The following CD8B variants were observed in gnomAD, a reference collection of about 807,000 sequenced individuals.
The protein encoded by CD8B is CD8 subunit beta.
Under a neutral mutation model 24.2 loss-of-function variants are expected in CD8B, and 6 were observed. The ratio of observed to expected loss-of-function variants is 0.25; its 90% CI spans 0.14 to 0.49. The LOEUF (loss-of-function observed/expected upper bound fraction) is 0.49, where lower values mean the gene tolerates loss of function less well. CD8B is among the 20% of genes least tolerant of loss of function. The pLI, the probability that CD8B is intolerant of heterozygous loss-of-function variation, is 0.98. For synonymous variants in CD8B, 84 were observed against 108.3 expected, an observed-to-expected ratio of 0.78 and a Z score of 1.39; for missense variants, 196 against 271.3, an observed-to-expected ratio of 0.72 and a Z score of 1.95.
chr2:86,847,245 G>C (rs1444133671), intron 3 of CD8B, among the ~76,000 whole-genome samples: 2 of 151,968 alleles, frequency 1.3e-5, no homozygotes, highest in African/African-American at 4.8e-5. Flanking sequence ...CCATCGTCTA[G>C]TCTTTGTAAG....
rs1391062725 is a variant in CD8B at position 86,841,562 on chromosome 2, C to T, written c.*745G>A. On this transcript the variant is annotated 3_prime_UTR_variant, in exon 6 of 6. Transcript: ENST00000390655. ...TCTTTGCTGTAGATGGGCTTTCGCACGTTTATGTCACAGGAGCCGTTTGTT... is the reference window on the plus strand; with the variant it reads ...TCTTTGCTGTAGATGGGCTTTCGCATGTTTATGTCACAGGAGCCGTTTGTT... 24 of 984,974 alleles carry T rather than the reference C, an allele frequency of 2.4e-5. No homozygotes were observed. In the East Asian group the frequency reaches 9.1e-4, roughly 37 times the overall value. 61.0% of individuals were successfully genotyped at this position (984,974 alleles called of 1,614,324 possible).
At chr2:86,835,720 G>A (rs56016906), downstream of CD8B, among the ~76,000 whole-genome samples, 83,307 of 125,248 alleles carry the variant, frequency 0.67, 23,693 homozygotes, top group South Asian at 0.69. Flanking sequence ...TCACCCAACC[G>A]CAGAGACCTC....
At chr2:86,859,896 CCTT>C (rs1558764999) in intron 1 of CD8B, among the ~76,000 whole-genome samples, 1 of 151,992 alleles carries the variant, frequency 6.6e-6, no homozygotes, top group Non-Finnish European at 1.5e-5. Context: ...CCCATAATGG[CCTT>C]CTCCAACACT....
chr2:86,858,274 G>A lies in CD8B; in HGVS notation c.186C>T (p.Ser62=). Residue 62 remains serine (S), a synonymous_variant, in exon 2 of 6, where the codon AGC becomes AGT. Transcript: ENST00000390655. ...CCAGGAACTCGTGGTGACTGTCACTGCTCGGTGCCTGGCGCTGTCTCAGCC... is the reference window on the plus strand; with the variant it reads ...CCAGGAACTCGTGGTGACTGTCACTACTCGGTGCCTGGCGCTGTCTCAGCC... ...IYWLRQRQAP[S]SDSHHEFLAL... The A allele has an allele frequency of 6.2e-7, 1 of 1,614,014 alleles. No individual in the cohort carries two copies.
At chr2:86,832,403 G>A (rs554812898) in intron 5 of CD8B, among the ~76,000 whole-genome samples, 25 of 151,828 alleles carry the variant, frequency 1.6e-4, no homozygotes, top group Non-Finnish European at 3.5e-4. Flanking sequence ...GCATGAACCC[G>A]GGAGGCAGAG....
Position 86,844,594 on chromosome 2 carries a change from T to A in CD8B, c.620+328A>T, listed in dbSNP as rs1473646833. 5 of 1,390,328 alleles carry A rather than the reference T, an allele frequency of 3.6e-6. No individual in the cohort carries two copies. In the East Asian group the frequency reaches 1.9e-4, roughly 52 times the overall value. 86.1% of individuals were successfully genotyped at this position (1,390,328 alleles called of 1,614,324 possible). A position where few individuals can be genotyped will look rare whatever the true frequency, so the allele number is the denominator to read the frequency against. ...CTTACTGGTCAGGTTTTTGTTTGTT[T>A]AGGTTATCTCTTAGGTTCCTGAACT... On this transcript the variant is annotated intron_variant, in intron 5 of 5. Coordinates refer to ENST00000390655, the MANE Select transcript of CD8B (RefSeq NM_004931.5).
chr2:86,838,968 C>G lies in CD8B; in HGVS notation c.*3339G>C, dbSNP rs1485709562. Among the ~76,000 whole-genome samples the G allele has an allele frequency of 3.9e-5, 6 of 152,208 alleles. No individual in the cohort carries two copies. The highest frequency in any genetic ancestry group is 8.8e-5 in the Non-Finnish European group (6 of 68,038). On this transcript the variant is annotated 3_prime_UTR_variant, in exon 6 of 6. Transcript: ENST00000390655. ...ATGACTTTTACTAATGAAACACACTCATATAAGTGATTCCCAGATTGAGAA... is the reference window on the plus strand; with the variant it reads ...ATGACTTTTACTAATGAAACACACTGATATAAGTGATTCCCAGATTGAGAA...
At chr2:86,845,828 G>T (rs1188741892) in intron 4 of CD8B, among the ~76,000 whole-genome samples, 1 of 152,200 alleles carries the variant, frequency 6.6e-6, no homozygotes, top group Non-Finnish European at 1.5e-5. Context: ...CCTCTGTGGG[G>T]AACAATTGTA....
At chr2:86,828,206 C>T (rs911121305) in intron 5 of CD8B, among the ~76,000 whole-genome samples, 2 of 151,644 alleles carry the variant, frequency 1.3e-5, no homozygotes, top group African/African-American at 4.9e-5. Flanking sequence ...CAAGTGGGGG[C>T]GAATGTCAAT....
intron 2 of CD8B, among the ~76,000 whole-genome samples, chr2:86,856,331 A>C (rs1676250855): frequency 6.6e-6 from 1 of 152,158 alleles, no homozygotes; most frequent in Admixed American, 6.5e-5. Flanking sequence ...CATGAGTGGA[A>C]AGGTGTGGGG....
In CD8B at chr2:86,839,296, CT is replaced by C. The variant is rs1224775263; in HGVS notation, c.*3010del. Among the ~76,000 whole-genome samples the C allele has an allele frequency of 6.6e-6, 1 of 152,204 alleles. No individual in the cohort carries two copies. The highest frequency in any genetic ancestry group is 1.5e-5 in the Non-Finnish European group (1 of 68,032). Reference sequence around the variant, plus strand: ...GTGTCTGAATTTATCTGACCAGTCCCTTTTGATGGACATTTGGATTATTTCC... The same window carrying C: ...GTGTCTGAATTTATCTGACCAGTCCCTTTGATGGACATTTGGATTATTTCC... On this transcript the variant is annotated 3_prime_UTR_variant, in exon 6 of 6. Coordinates refer to ENST00000390655, the MANE Select transcript of CD8B (RefSeq NM_004931.5).
In CD8B at chr2:86,842,070, C is replaced by A. The variant is rs952334795; in HGVS notation, c.*237G>T. ...ATTTCTTACTCAGTCCTCCAGCACA[C>A]TCTGTGAAGTGCCCTGGGGGCAATG... On this transcript the variant is annotated 3_prime_UTR_variant, in exon 6 of 6. Transcript: ENST00000390655. 2 of 1,305,728 alleles carry A rather than the reference C, an allele frequency of 1.5e-6. No homozygotes were observed. Among genetic ancestry groups the A allele is most frequent in the African/African-American group, 3.1e-5 (2 of 65,320 alleles). 80.9% of individuals were successfully genotyped at this position (1,305,728 alleles called of 1,614,324 possible).
chr2:86,835,828 G>A (rs1445948515), downstream of CD8B, among the ~76,000 whole-genome samples: 1 of 150,228 alleles, frequency 6.7e-6, no homozygotes, highest in African/African-American at 2.5e-5. Context: ...TATCACCCGG[G>A]TCTTTCTCTG....
chr2:86,833,528 G>A (rs1362557594), downstream of CD8B, among the ~76,000 whole-genome samples: 2 of 42,040 alleles, frequency 4.8e-5, no homozygotes, highest in African/African-American at 2.0e-4. Flanking sequence ...CCTCCCCTCC[G>A]CTCTCCTCCC....
At position 86,853,099 on chromosome 2, in the gene CD8B, A is replaced by C; in HGVS notation, c.404-13T>G. 1 of 1,542,472 alleles carries C rather than the reference A, an allele frequency of 6.5e-7. No individual in the cohort carries two copies. The highest frequency in any genetic ancestry group is 8.8e-7 in the Non-Finnish European group (1 of 1,141,078). Reference sequence around the variant, plus strand: ...GGAAGGAAATCAACTACAGAAAGAAAGCAAGACACATATCTTAGCCAAGTG... The same window carrying C: ...GGAAGGAAATCAACTACAGAAAGAACGCAAGACACATATCTTAGCCAAGTG... On this transcript the variant is annotated splice_polypyrimidine_tract_variant and intron_variant, in intron 2 of 5. Transcript: ENST00000390655.
At chr2:86,834,805 G>A (rs575303834), downstream of CD8B, among the ~76,000 whole-genome samples, 15 of 151,664 alleles carry the variant, frequency 9.9e-5, no homozygotes, top group Admixed American at 2.0e-4. Context: ...GCATGATGGC[G>A]CGCACCTGGA....
At chr2:86,827,306 G>A (rs112480165) in intron 5 of CD8B, among the ~76,000 whole-genome samples, 2,193 of 152,058 alleles carry the variant, frequency 0.014, 52 homozygotes, top group African/African-American at 0.05. Flanking sequence ...CTGAGAGTTC[G>A]GGTTTTATGT....
At position 86,822,934 on chromosome 2, in the gene CD8B, AT is replaced by A. The variant is rs1018242690; in HGVS notation, c.621-7217del. Among the ~76,000 whole-genome samples, 8 of 152,318 alleles carry A rather than the reference AT, an allele frequency of 5.3e-5. No homozygotes were observed. The South Asian group carries it at 1.2e-3, about 24-fold the overall frequency. On this transcript the variant is annotated intron_variant, in intron 5 of 5. Transcript: ENST00000331469. ...TGTGTTTATATCTTTCTCTACAACC[AT>A]TTTTTAAAAGCTATTTTTAAAATTG...
At chr2:86,822,335 G>T in intron 5 of CD8B, 1 of 1,586,104 alleles carries the variant, frequency 6.3e-7, no homozygotes, top group Non-Finnish European at 8.7e-7. Flanking sequence ...ATATTCAGTA[G>T]TCCATTCTGG....
Sources: allele counts gnomAD v4.1 joint callset (sites outside exome capture counted in the v4.1 genomes callset), GRCh38; gene constraint gnomAD v4.1.1; transcripts MANE v1.5; gene names NCBI Gene and HGNC (gene_info 2026-07-23, HGNC 2026-07-21).